The following EHBP1 variants were observed in gnomAD, a reference collection of about 807,000 sequenced individuals.
EHBP1 encodes EH domain-binding protein 1.
EHBP1 carries 55 observed loss-of-function variants against 144.0 expected under a neutral mutation model. The observed-to-expected ratio is 0.38, with a 90% confidence interval of 0.31 to 0.48. The LOEUF is 0.48. EHBP1 is among the 20% of genes least tolerant of loss of function. The probability of loss-of-function intolerance (pLI) is 0.98; values close to 1 mark genes in which losing one functional copy is unlikely to be tolerated. For missense variants in EHBP1, 1,200 were observed against 1,364.2 expected (o/e 0.88, Z 1.90); for synonymous variants, 469 against 472.7 (o/e 0.99, Z 0.10).
chr2:62,823,345 ACTTTCATTTT>A (rs1205728691), intron 5 of EHBP1, among the ~76,000 whole-genome samples: 3 of 151,960 alleles, frequency 2.0e-5, no homozygotes, highest in Non-Finnish European at 4.4e-5. Flanking sequence ...TTATCTCCAA[ACTTTCATTTT>A]CTACTAGCTC....
At chr2:62,874,040 T>G (rs1222375935) in intron 9 of EHBP1, among the ~76,000 whole-genome samples, 1 of 152,210 alleles carries the variant, frequency 6.6e-6, no homozygotes, top group Non-Finnish European at 1.5e-5. Flanking sequence ...TCCTTGGATA[T>G]GGAAAATATA....
chr2:63,008,343 T>C (rs2060128657), intron 19 of EHBP1, among the ~76,000 whole-genome samples: 1 of 151,676 alleles, frequency 6.6e-6, no homozygotes, highest in African/African-American at 2.4e-5. Context: ...ACTCCTGTGG[T>C]GCCACTAAAT....
chr2:62,975,744 T>G (rs1051803877), intron 14 of EHBP1, among the ~76,000 whole-genome samples: 2 of 151,858 alleles, frequency 1.3e-5, no homozygotes, highest in Admixed American at 6.6e-5. Context: ...AAAAAAAAAT[T>G]TTTTTTAAAC....
rs1256569547 is a variant in EHBP1 at position 62,855,488 on chromosome 2, C to G, written c.635-3681C>G. 5.3e-5 allele frequency among the ~76,000 whole-genome samples: 8 copies of G among 152,102 alleles called. No homozygotes were observed. In the East Asian group the frequency reaches 1.4e-3, roughly 26 times the overall value. On this transcript the variant is annotated intron_variant, in intron 7 of 22. Transcript: ENST00000431489. ...AAGGAGGAAGGTCTCTGGTGAGGCC[C>G]CACCTTCAGGCCAGGGAGGGCCTGA...
rs2046353508 is a variant in EHBP1 at position 62,826,455 on chromosome 2, T to A, written c.494+187T>A. ...AATAGTCTCTTTTGACTCCAGAGAA[T>A]GTACAGTAATATAAACGTGAGCACA... is the stretch of plus-strand genomic sequence containing the variant. On this transcript the variant is annotated intron_variant, in intron 6 of 22. Transcript: ENST00000431489. The A allele has an allele frequency of 1.6e-5, 8 of 485,560 alleles. No homozygotes were observed. In the East Asian group the frequency reaches 2.8e-4, roughly 17 times the overall value. 30.1% of individuals were successfully genotyped at this position (485,560 alleles called of 1,614,324 possible). A position where few individuals can be genotyped will look rare whatever the true frequency, so the allele number is the denominator to read the frequency against.
chr2:62,782,110 A>G (rs992826795), intron 5 of EHBP1, among the ~76,000 whole-genome samples: 2 of 152,144 alleles, frequency 1.3e-5, no homozygotes, highest in African/African-American at 2.4e-5. Context: ...CACTCACTCA[A>G]TCATCAAACA....
chr2:62,719,195 G>C (rs1398532565), intron 2 of EHBP1, among the ~76,000 whole-genome samples: 1 of 151,986 alleles, frequency 6.6e-6, no homozygotes, highest in Non-Finnish European at 1.5e-5. Flanking sequence ...TTGAACACGG[G>C]TCTGAAGTGA....
intron 14 of EHBP1, among the ~76,000 whole-genome samples, chr2:62,968,480 T>G (rs964524233): frequency 2.0e-5 from 3 of 152,186 alleles, no homozygotes; most frequent in Admixed American, 2.0e-4. Context: ...ACTTGGATTC[T>G]TAGAGGTTTT....
intron 5 of EHBP1, among the ~76,000 whole-genome samples, chr2:62,801,898 C>T (rs2044019344): frequency 6.6e-6 from 1 of 152,204 alleles, no homozygotes; most frequent in South Asian, 2.1e-4. Context: ...AATTCCCAAA[C>T]TTTAGTGTGC....
intron 5 of EHBP1, among the ~76,000 whole-genome samples, chr2:62,793,643 G>C (rs900023809): frequency 6.6e-6 from 1 of 152,042 alleles, no homozygotes; most frequent in Admixed American, 6.6e-5. Flanking sequence ...TGGTGGAATG[G>C]TCTTATTACC....
chr2:62,838,780 G>C (rs534746210), intron 7 of EHBP1, among the ~76,000 whole-genome samples: 9 of 148,498 alleles, frequency 6.1e-5, no homozygotes, highest in African/African-American at 2.0e-4. Context: ...ACTCTCCCAA[G>C]ACTAAACCAG....
intron 5 of EHBP1, among the ~76,000 whole-genome samples, chr2:62,776,910 G>C (rs2042090570): frequency 6.6e-6 from 1 of 152,024 alleles, no homozygotes; most frequent in Admixed American, 6.6e-5. Flanking sequence ...TCTCTTCCTG[G>C]TGTTTTAGAT....
rs765522868 is a variant in EHBP1, at chr2:62,990,728, A to G, written c.2621A>G (p.Lys874Arg). Residue 874 changes from lysine (K) to arginine (R), a missense_variant, in exon 16 of 23, where the codon AAG (lysine) becomes AGG (arginine). By Grantham distance (26) the Lys-to-Arg change is conservative (BLOSUM62 2). Coordinates refer to ENST00000431489, the MANE Select transcript of EHBP1 (RefSeq NM_001142616.3). ...RSKASGEQNS[K>R]LVDLKLKKLL... ...GCATATTTAACAGAACAAAACAGTA[A>G]GTTGGTGGACTTGAAGCTGAAGAAG... 8 of 1,613,830 alleles carry G rather than the reference A, an allele frequency of 5.0e-6. No individual in the cohort carries two copies. Among genetic ancestry groups the G allele is most frequent in the Non-Finnish European group, 6.8e-6 (8 of 1,179,818 alleles).
At chr2:63,024,353 CA>C (rs1428569111) in intron 19 of EHBP1, among the ~76,000 whole-genome samples, 2 of 151,776 alleles carry the variant, frequency 1.3e-5, no homozygotes, top group African/African-American at 4.8e-5. Flanking sequence ...TCAAAAAGAA[CA>C]AAAAACAAAA....
At chr2:62,901,230 C>G (rs1002435783) in intron 10 of EHBP1, among the ~76,000 whole-genome samples, 10 of 152,218 alleles carry the variant, frequency 6.6e-5, no homozygotes, top group African/African-American at 2.4e-4. Flanking sequence ...TTATCTTCAC[C>G]TCATAAATCT....
chr2:62,955,506 T>C lies in EHBP1; in HGVS notation c.2317-11T>C. ...TTTTTTGGCTTCTAATTCTGTATCT[T>C]TGCTTTTAAGCATCGATTGTTATCT... On this transcript the variant is annotated splice_polypyrimidine_tract_variant and intron_variant, in intron 13 of 22. Coordinates refer to ENST00000431489, the MANE Select transcript of EHBP1 (RefSeq NM_001142616.3). 6 of 1,603,874 alleles carry C rather than the reference T, an allele frequency of 3.7e-6. No homozygotes were observed. Among genetic ancestry groups the C allele is most frequent in the Non-Finnish European group, 5.1e-6 (6 of 1,176,112 alleles).
At chr2:62,826,020 G>A (rs572803282) in intron 5 of EHBP1, 67 bp from the exon 6 acceptor site, 47 of 1,137,704 alleles carry the variant, frequency 4.1e-5, no homozygotes, top group Admixed American at 9.1e-5. Flanking sequence ...TATTAAAATC[G>A]TACTTTAAAA....
intron 2 of EHBP1, among the ~76,000 whole-genome samples, chr2:62,728,280 G>T (rs2037039068): frequency 6.6e-6 from 1 of 152,220 alleles, no homozygotes; most frequent in South Asian, 2.1e-4. Flanking sequence ...GAAGTGGAAT[G>T]CTGGACCATG....
chr2:62,728,720 G>C (rs2037091768), intron 2 of EHBP1, among the ~76,000 whole-genome samples: 1 of 150,504 alleles, frequency 6.6e-6, no homozygotes, highest in Admixed American at 6.6e-5. Flanking sequence ...TTTTAAAAAA[G>C]GGCTTAATTT....
Sources: gnomAD v4.1 joint callset for allele counts (sites outside exome capture counted in the v4.1 genomes callset) on GRCh38, gnomAD v4.1.1 for gene constraint, MANE v1.5 for transcripts, NCBI Gene and HGNC (gene_info 2026-07-23, HGNC 2026-07-21) for gene names.